The following ASTN2 variants were observed in gnomAD, a reference collection of about 807,000 sequenced individuals.
ASTN2 encodes the protein astrotactin-2.
A neutral mutation model predicts 139.8 loss-of-function variants in ASTN2; 54 were observed. The observed-to-expected ratio is 0.39, with a 90% CI of 0.31 to 0.48. The LOEUF (loss-of-function observed/expected upper bound fraction) is 0.48, where lower values mean the gene tolerates loss of function less well. ASTN2 is among the 20% of genes least tolerant of loss of function. ASTN2 has a pLI of 0.95. For missense variants in ASTN2, 1,565 were observed against 1,725.1 expected (o/e 0.91, Z 1.64); for synonymous variants, 756 against 719.5 (o/e 1.05, Z -0.81).
intron 10 of ASTN2, among the ~76,000 whole-genome samples, chr9:116,972,163 T>A (rs924450764): frequency 3.3e-5 from 5 of 152,174 alleles, no homozygotes; most frequent in African/African-American, 1.2e-4. Context: ...GTAATCTCTA[T>A]CCTTTCTTCT....
intron 7 of ASTN2, among the ~76,000 whole-genome samples, chr9:116,997,741 C>T (rs1157247888): frequency 6.6e-6 from 1 of 152,124 alleles, no homozygotes; most frequent in African/African-American, 2.4e-5. Flanking sequence ...AAAATAACTA[C>T]CTAGAAGTGT....
intron 1 of ASTN2, among the ~76,000 whole-genome samples, chr9:117,328,688 G>A (rs1828601366): frequency 6.6e-6 from 1 of 152,210 alleles, no homozygotes; most frequent in African/African-American, 2.4e-5. Context: ...AGGGGTTGAA[G>A]GTTGACAGGG....
chr9:116,665,234 T>C (rs146289728), intron 16 of ASTN2, among the ~76,000 whole-genome samples: 6 of 152,304 alleles, frequency 3.9e-5, no homozygotes, highest in African/African-American at 1.4e-4. Context: ...TATTGCTTTA[T>C]AGTGACACAA....
intron 19 of ASTN2, among the ~76,000 whole-genome samples, chr9:116,602,324 G>A (rs1056772069): frequency 2.0e-5 from 3 of 152,150 alleles, no homozygotes; most frequent in Non-Finnish European, 4.4e-5. Context: ...GCAATGTTTT[G>A]TTTGTGTCTT....
chr9:117,407,337 C>T (rs1831025480), intron 1 of ASTN2, among the ~76,000 whole-genome samples: 2 of 152,140 alleles, frequency 1.3e-5, no homozygotes, highest in South Asian at 2.1e-4. Flanking sequence ...CAGATTTGGG[C>T]TTTTAATAAA....
chr9:117,249,746 G>A (rs1388663894), intron 2 of ASTN2, among the ~76,000 whole-genome samples: 5 of 151,578 alleles, frequency 3.3e-5, no homozygotes, highest in Non-Finnish European at 5.9e-5. Context: ...ATTTAAGAGG[G>A]CACTTATTCA....
chr9:117,251,780 A>G (rs954846029), intron 2 of ASTN2, among the ~76,000 whole-genome samples: 1 of 152,216 alleles, frequency 6.6e-6, no homozygotes, highest in Non-Finnish European at 1.5e-5. Flanking sequence ...GAAAGGCATC[A>G]GTACTAATTC....
chr9:116,483,572 A>G lies in ASTN2; in HGVS notation c.3497+3787T>C, dbSNP rs565975327. Among the ~76,000 whole-genome samples, 69 of 152,276 alleles carry G rather than the reference A, an allele frequency of 4.5e-4. 2 individuals carry two copies. In the South Asian group the frequency reaches 8.7e-3, roughly 19 times the overall value. ...AATTAAAATAATGAATAAAAAGACA[A>G]AACAGGAATGGTAGGGAGAATGACA... On this transcript the variant is annotated intron_variant, in intron 20 of 22. Transcript: ENST00000313400.
chr9:116,793,065 T>C (rs1830599206), intron 13 of ASTN2, among the ~76,000 whole-genome samples: 1 of 151,592 alleles, frequency 6.6e-6, no homozygotes, highest in Non-Finnish European at 1.5e-5. Context: ...TATACCCAGG[T>C]AAAAAACCTG....
chr9:116,776,676 T>A (rs1453460979), intron 13 of ASTN2, among the ~76,000 whole-genome samples: 1 of 152,080 alleles, frequency 6.6e-6, no homozygotes. Context: ...TGACAAGAGT[T>A]AATGGGTTTG....
At chr9:116,988,728 C>T (rs1373592918) in intron 7 of ASTN2, among the ~76,000 whole-genome samples, 1 of 152,176 alleles carries the variant, frequency 6.6e-6, no homozygotes, top group African/African-American at 2.4e-5. Context: ...AACCCGGTGT[C>T]TCATCAAAAT....
chr9:116,447,421 C>G (rs1211535393), intron 20 of ASTN2, among the ~76,000 whole-genome samples: 1 of 152,134 alleles, frequency 6.6e-6, no homozygotes, highest in Admixed American at 6.5e-5. Flanking sequence ...AACACCTACA[C>G]CTGGTGCACC....
intron 10 of ASTN2, among the ~76,000 whole-genome samples, chr9:116,904,896 T>C (rs1422911076): frequency 2.6e-5 from 4 of 151,470 alleles, no homozygotes; most frequent in Non-Finnish European, 5.9e-5. Context: ...TACAGCTCTA[T>C]GTTTGCAGCC....
intron 13 of ASTN2, among the ~76,000 whole-genome samples, chr9:116,791,039 G>GAAAGAAAAAGAAAGAAAGA (rs1564269251): frequency 6.0e-4 from 49 of 82,082 alleles, no homozygotes; most frequent in African/African-American, 2.0e-3. Flanking sequence ...AAGAAAGAAA[G>GAAAGAAAAAGAAAGAAAGA]AAAGAAAAGA....
intron 10 of ASTN2, among the ~76,000 whole-genome samples, chr9:116,939,328 A>T (rs1835164392): frequency 6.6e-6 from 1 of 152,182 alleles, no homozygotes; most frequent in Non-Finnish European, 1.5e-5. Flanking sequence ...CACTTTTATT[A>T]TAACAATAAA....
At chr9:116,635,590 G>A (rs533655733) in intron 17 of ASTN2, among the ~76,000 whole-genome samples, 40 of 152,180 alleles carry the variant, frequency 2.6e-4, no homozygotes, top group Non-Finnish European at 5.0e-4. Context: ...CACCAGGGAA[G>A]CACTGTAGAG....
chr9:117,211,145 T>G (rs1247705028), intron 3 of ASTN2, among the ~76,000 whole-genome samples: 1 of 152,186 alleles, frequency 6.6e-6, no homozygotes, highest in Non-Finnish European at 1.5e-5. Context: ...CTAATCATTC[T>G]TGTCAAACAC....
chr9:116,494,851 T>G (rs1239642120), intron 19 of ASTN2, among the ~76,000 whole-genome samples: 1 of 152,152 alleles, frequency 6.6e-6, no homozygotes. Flanking sequence ...ACTGCACATT[T>G]CCCTCCAGAC....
intron 10 of ASTN2, among the ~76,000 whole-genome samples, chr9:116,950,170 T>C (rs1254548805): frequency 1.3e-5 from 2 of 152,196 alleles, no homozygotes; most frequent in African/African-American, 4.8e-5. Context: ...TATTGTTTGT[T>C]CTGTGCCTTG....
Sources: gnomAD v4.1 joint callset for allele counts (sites outside exome capture counted in the v4.1 genomes callset) on GRCh38, gnomAD v4.1.1 for gene constraint, MANE v1.5 for transcripts, NCBI Gene and HGNC (gene_info 2026-07-23, HGNC 2026-07-21) for gene names.